The following MYLIP variants were observed in gnomAD, a reference collection of about 807,000 sequenced individuals.
MYLIP encodes myosin regulatory light chain interacting protein, also known as E3 ubiquitin-protein ligase MYLIP.
MYLIP carries 26 observed loss-of-function variants against 45.8 expected under a neutral mutation model. The observed-to-expected ratio is 0.57, with a 90% CI of 0.42 to 0.79. The LOEUF (loss-of-function observed/expected upper bound fraction) is 0.79, where lower values mean the gene tolerates loss of function less well. Among genes scored for constraint, MYLIP ranks in the 30% least tolerant of loss-of-function variants. The pLI is 0.00. For synonymous variants in MYLIP, 213 were observed against 218.1 expected, an observed-to-expected ratio of 0.98 and a Z score of 0.21; for missense variants, 494 against 555.6, an observed-to-expected ratio of 0.89 and a Z score of 1.11.
chr6:16,149,022 T>TC (rs2113584516), downstream of MYLIP, among the ~76,000 whole-genome samples: 1 of 152,354 alleles, frequency 6.6e-6, no homozygotes, highest in Admixed American at 6.5e-5. Flanking sequence ...ATTTGTTCAT[T>TC]CAACACATTT....
At position 16,146,214 on chromosome 6, in the gene MYLIP, CAG is replaced by C. The variant is rs1269578391; in HGVS notation, c.1249-445_1249-444del. On this transcript the variant is annotated intron_variant, in intron 6 of 6. Transcript: ENST00000356840. The stretch of plus-strand genomic sequence containing the variant: ...TGGAGCTGCCACCTACGGCTAGAAG[CAG>C]AGCCACCCTCCCTGGCCATGTGGGC... Among the ~76,000 whole-genome samples the C allele has an allele frequency of 1.6e-4, 24 of 152,236 alleles. 1 individual carries two copies. The highest frequency in any genetic ancestry group is 5.9e-5 in the Non-Finnish European group (4 of 68,042).
At chr6:16,150,290 G>A (rs1220369465), downstream of MYLIP, among the ~76,000 whole-genome samples, 1 of 152,166 alleles carries the variant, frequency 6.6e-6, no homozygotes, top group South Asian at 2.1e-4. Context: ...AAGGAGGGGA[G>A]TATCAAGAAA....
Position 16,129,314 on chromosome 6 carries a change from GC to G in MYLIP, c.-5del. The G allele has an allele frequency of 6.4e-7, 1 of 1,559,322 alleles. No individual in the cohort carries two copies. Among genetic ancestry groups the G allele is most frequent in the Non-Finnish European group, 8.7e-7 (1 of 1,153,336 alleles). On this transcript the variant is annotated 5_prime_UTR_variant, in exon 1 of 7. Transcript: ENST00000356840. This position sits in a 1 kb window ranked among gnomAD's most constrained non-coding sequence, Gnocchi z 5.1. Reference sequence around the variant, plus strand: ...GAAGGCGGCTGTGGCGGCAGCGGCAGCCCCAGCCATGCTGTGTTATGTGACG... The same window carrying G: ...GAAGGCGGCTGTGGCGGCAGCGGCAGCCCAGCCATGCTGTGTTATGTGACG...
the MYLIP span, among the ~76,000 whole-genome samples, chr6:16,153,471 A>C: frequency 6.6e-6 from 1 of 152,176 alleles, no homozygotes; most frequent in Admixed American, 6.5e-5. Flanking sequence ...CCAGGGTAAA[A>C]CTTTGCTGCA....
At chr6:16,143,313 G>A in intron 4 of MYLIP, 96 bp downstream of exon 4, 2 of 1,221,478 alleles carry the variant, frequency 1.6e-6, no homozygotes, top group South Asian at 1.3e-5. Context: ...TCGACAGTCA[G>A]CTCTTAGGAA....
rs1251884030 is a variant in MYLIP, at chr6:16,145,281, C to T, written c.1212C>T (p.His404=). 6.2e-7 allele frequency: 1 copy of T among 1,606,476 alleles called. No homozygotes were observed. Among genetic ancestry groups the T allele is most frequent in the East Asian group, 2.2e-5 (1 of 44,668 alleles). ...ACTCCACCTTCTGTCCCTGTGGCCA[C>T]ACTGTGTGCTGTGAGAGCTGCGCCG... is the stretch of plus-strand genomic sequence containing the variant. ...EINSTFCPCG[H]TVCCESCAAQ... The change falls in exon 6 of 7, where the codon CAC becomes CAT. Residue 404 remains histidine, a synonymous_variant. Coordinates refer to ENST00000356840, the MANE Select transcript of MYLIP (RefSeq NM_013262.4).
At chr6:16,159,843 C>T in the MYLIP span, among the ~76,000 whole-genome samples, 5 of 152,142 alleles carry the variant, frequency 3.3e-5, no homozygotes, top group African/African-American at 9.7e-5. Flanking sequence ...AAGAAACCAT[C>T]GGGGCTACCA....
the MYLIP span, chr6:16,161,199 C>T: frequency 1.9e-5 from 5 of 258,912 alleles, no homozygotes; most frequent in East Asian, 1.0e-4. Flanking sequence ...TGACTAGAGC[C>T]TCTCGCTCTG....
At chr6:16,149,053 T>C (rs1160952715), downstream of MYLIP, among the ~76,000 whole-genome samples, 1 of 152,208 alleles carries the variant, frequency 6.6e-6, no homozygotes, top group African/African-American at 2.4e-5. Context: ...ACTAAGTTAT[T>C]GAGCCCTGGA....
At chr6:16,141,231 G>A (rs774076072) in intron 2 of MYLIP, among the ~76,000 whole-genome samples, 2 of 152,096 alleles carry the variant, frequency 1.3e-5, no homozygotes, top group Non-Finnish European at 2.9e-5. Flanking sequence ...TTTGAATAAA[G>A]GTGAGAATTT....
Position 16,129,247 on chromosome 6 carries a change from G to A in MYLIP, c.-76G>A, listed in dbSNP as rs897473918. ...CAGCCCTCTCCGAGTCCGGGGCTGG[G>A]TCCCACCAGTGACAAGGCGGCAGCC... On this transcript the variant is annotated 5_prime_UTR_variant, in exon 1 of 7. Coordinates refer to ENST00000356840, the MANE Select transcript of MYLIP (RefSeq NM_013262.4). This position sits in a 1 kb window ranked among gnomAD's most constrained non-coding sequence, Gnocchi z 5.1. 1.1e-5 allele frequency: 16 copies of A among 1,465,234 alleles called. No individual in the cohort carries two copies. The Middle Eastern group carries it at 6.3e-4, about 58-fold the overall frequency. 90.8% of individuals were successfully genotyped at this position (1,465,234 alleles called of 1,614,324 possible).
chr6:16,132,899 AGGT>A (rs1759485630), intron 2 of MYLIP, among the ~76,000 whole-genome samples: 1 of 152,244 alleles, frequency 6.6e-6, no homozygotes, highest in South Asian at 2.1e-4. Flanking sequence ...CAGTTATGAA[AGGT>A]GATTTTTTTA....
chr6:16,160,736 A>G, the MYLIP span, among the ~76,000 whole-genome samples: 25 of 152,138 alleles, frequency 1.6e-4, no homozygotes, highest in Admixed American at 1.6e-3. Context: ...CAGGAGGCGG[A>G]GGTTGCCTTG....
At chr6:16,145,372 A>C in intron 6 of MYLIP, 55 bp downstream of exon 6, 2 of 1,517,966 alleles carry the variant, frequency 1.3e-6, no homozygotes, top group African/African-American at 1.4e-5. Flanking sequence ...CCTCCTCTTA[A>C]CGGGGAGTAG....
Position 16,147,149 on chromosome 6 carries a change from G to T in MYLIP, c.*398G>T. ...AAGTTTCCTACTGGCAGCAGATTTT[G>T]TAAGAATTACTTTTAAGAATTTCAT... On this transcript the variant is annotated 3_prime_UTR_variant, in exon 7 of 7. Coordinates refer to ENST00000356840, the MANE Select transcript of MYLIP (RefSeq NM_013262.4). 6.3e-6 allele frequency: 1 copy of T among 158,130 alleles called. No homozygotes were observed. 9.8% of individuals were successfully genotyped at this position (158,130 alleles called of 1,614,324 possible). A position where few individuals can be genotyped will look rare whatever the true frequency, so the allele number is the denominator to read the frequency against.
Position 16,129,116 on chromosome 6 carries a change from G to T in MYLIP, c.-207G>T. On this transcript the variant is annotated 5_prime_UTR_variant, in exon 1 of 7. Transcript: ENST00000356840. This position sits in a 1 kb window ranked among gnomAD's most constrained non-coding sequence, Gnocchi z 5.1. ...GGCTGCTGGAGTGCGGCGCCACCGC[G>T]GAGGACAGGGGCAGCTGGCGGGCAG... 1.8e-6 allele frequency: 1 copy of T among 563,242 alleles called. No homozygotes were observed. The allele number at this position is 563,242 out of a possible 1,614,324, so 34.9% of individuals were successfully genotyped here.
downstream of MYLIP, among the ~76,000 whole-genome samples, chr6:16,152,776 T>C (rs189462051): frequency 6.6e-6 from 1 of 152,196 alleles, no homozygotes; most frequent in African/African-American, 2.4e-5. Context: ...TGGAGGAAGG[T>C]TGCATTGGAG....
intron 2 of MYLIP, among the ~76,000 whole-genome samples, chr6:16,137,276 A>T (rs1013451161): frequency 6.6e-6 from 1 of 152,214 alleles, no homozygotes; most frequent in Non-Finnish European, 1.5e-5. Context: ...TTGGCAGTCA[A>T]AGTTTGTTTT....
At chr6:16,139,594 A>G (rs889006921) in intron 2 of MYLIP, among the ~76,000 whole-genome samples, 21 of 152,252 alleles carry the variant, frequency 1.4e-4, no homozygotes, top group African/African-American at 5.1e-4. Context: ...TCAAATGGTC[A>G]TCTAAGAAGC....
Sources: allele counts gnomAD v4.1 joint callset (sites outside exome capture counted in the v4.1 genomes callset), GRCh38; gene constraint gnomAD v4.1.1; non-coding constraint Gnocchi (gnomAD v3.1); transcripts MANE v1.5; gene names NCBI Gene and HGNC (gene_info 2026-07-23, HGNC 2026-07-21).